C6orf163: variants seen among roughly 807,000 people sequenced by gnomAD.
C6orf163 encodes the protein chromosome 6 open reading frame 163.
A neutral mutation model predicts 28.4 loss-of-function variants in C6orf163; 22 were observed. The observed-to-expected ratio is 0.78, with a 90% CI of 0.55 to 1.11. C6orf163 has a LOEUF of 1.11. C6orf163 is among the 50% of genes least tolerant of loss of function. The pLI, the probability that C6orf163 is intolerant of heterozygous loss-of-function variation, is 0.00. For missense variants in C6orf163, 342 were observed against 389.1 expected, an observed-to-expected ratio of 0.88 and a Z score of 1.02; for synonymous variants, 110 against 123.6, an observed-to-expected ratio of 0.89 and a Z score of 0.73.
chr6:87,364,945 A>ATAT lies in C6orf163; in HGVS notation c.555-12_555-10dup, dbSNP rs1777624309. The ATAT allele has an allele frequency of 1.3e-6, 2 of 1,515,584 alleles. No individual in the cohort carries two copies. 93.9% of individuals were successfully genotyped at this position (1,515,584 alleles called of 1,614,324 possible). On this transcript the variant is annotated splice_polypyrimidine_tract_variant and intron_variant, in intron 4 of 4. Transcript: ENST00000388923. ...GCCAATCCATCTAAATTATAAATCC[A>ATAT]TATTATCTTTTGTAGCAAAGCCGTG... is the stretch of plus-strand genomic sequence containing the variant.
At chr6:87,356,683 A>G (rs1315809474) in intron 4 of C6orf163, 180 bp downstream of exon 4, 3 of 587,034 alleles carry the variant, frequency 5.1e-6, no homozygotes, top group Non-Finnish European at 8.8e-6. Flanking sequence ...TGTGGTTTAA[A>G]GAAAAATAAT....
chr6:87,361,609 C>A (rs950670087), intron 4 of C6orf163, among the ~76,000 whole-genome samples: 2 of 152,284 alleles, frequency 1.3e-5, no homozygotes, highest in African/African-American at 4.8e-5. Flanking sequence ...ATCACCCTGA[C>A]AATCTCATCA....
rs888522954 is a variant in C6orf163 at position 87,345,234 on chromosome 6, C to T, written c.135C>T (p.His45=). The stretch of plus-strand genomic sequence containing the variant: ...CACTTAAGACACGCTTTTACACTCA[C>T]AAAGACATACTAGGTAAGTGACTTT... ...YKPLKTRFYT[H]KDILDIGANI... Residue 45 remains histidine, a synonymous_variant, in exon 1 of 5, where the codon CAC becomes CAT. Coordinates refer to ENST00000388923, the MANE Select transcript of C6orf163 (RefSeq NM_001010868.3). 2 of 1,527,814 alleles carry T rather than the reference C, an allele frequency of 1.3e-6. No individual in the cohort carries two copies. Among genetic ancestry groups the T allele is most frequent in the African/African-American group, 2.8e-5 (2 of 72,314 alleles). 94.6% of individuals were successfully genotyped at this position (1,527,814 alleles called of 1,614,324 possible). A position where few individuals can be genotyped will look rare whatever the true frequency, so the allele number is the denominator to read the frequency against.
chr6:87,361,911 C>G (rs1278669233), intron 4 of C6orf163, among the ~76,000 whole-genome samples: 1 of 152,142 alleles, frequency 6.6e-6, no homozygotes, highest in African/African-American at 2.4e-5. Context: ...CATTGCACCT[C>G]AAGGATATTA....
chr6:87,350,203 C>T (rs996676257), intron 2 of C6orf163, among the ~76,000 whole-genome samples, 191 bp from the exon 3 acceptor site: 1 of 152,192 alleles, frequency 6.6e-6, no homozygotes, highest in African/African-American at 2.4e-5. Context: ...TGCATTAGAG[C>T]ATCTCTGGCT....
chr6:87,353,205 T>C (rs1777444213), intron 3 of C6orf163, among the ~76,000 whole-genome samples: 1 of 152,156 alleles, frequency 6.6e-6, no homozygotes, highest in African/African-American at 2.4e-5. Flanking sequence ...AATTTCTAAT[T>C]ATCTGAATAC....
intron 3 of C6orf163, among the ~76,000 whole-genome samples, chr6:87,355,684 C>A (rs921721502): frequency 3.9e-5 from 6 of 152,120 alleles, no homozygotes; most frequent in African/African-American, 1.2e-4. Flanking sequence ...TGCACAGTTA[C>A]GTTGTTGGCC....
chr6:87,350,516 T>C lies in C6orf163; in HGVS notation c.351+15T>C. 2.2e-6 allele frequency: 3 copies of C among 1,371,558 alleles called. No individual in the cohort carries two copies. The highest frequency in any genetic ancestry group is 3.0e-6 in the Non-Finnish European group (3 of 1,008,800). 85.0% of individuals were successfully genotyped at this position (1,371,558 alleles called of 1,614,324 possible). The stretch of plus-strand genomic sequence containing the variant: ...AAGATTTACAGGTTTTTATAGTGGC[T>C]TATTTGTTGTCTTTTAAAAGTAATT... On this transcript the variant is annotated intron_variant, in intron 3 of 4. Transcript: ENST00000388923.
In C6orf163 at chr6:87,348,807, C is replaced by T; in HGVS notation, c.149-5C>T. On this transcript the variant is annotated splice_region_variant and splice_polypyrimidine_tract_variant and intron_variant, in intron 1 of 4. Coordinates refer to ENST00000388923, the MANE Select transcript of C6orf163 (RefSeq NM_001010868.3). Reference sequence around the variant, plus strand: ...GTTTGTGACCATTGCTCTTCAAATACACAGATATTGGGGCAAATATTCTGA... The same window carrying T: ...GTTTGTGACCATTGCTCTTCAAATATACAGATATTGGGGCAAATATTCTGA... 1 of 1,536,946 alleles carries T rather than the reference C, an allele frequency of 6.5e-7. No homozygotes were observed. Among genetic ancestry groups the T allele is most frequent in the Non-Finnish European group, 8.7e-7 (1 of 1,146,764 alleles).
intron 1 of C6orf163, among the ~76,000 whole-genome samples, chr6:87,347,005 G>A (rs1232626910): frequency 1.3e-5 from 2 of 151,864 alleles, no homozygotes; most frequent in East Asian, 1.9e-4. Context: ...TTTTTCCCCC[G>A]GCATAGAGTT....
chr6:87,348,060 G>A, intron 1 of C6orf163: 1 of 509,530 alleles, frequency 2.0e-6, no homozygotes, highest in Non-Finnish European at 2.5e-6. Context: ...GGAGGCTGAG[G>A]CAGGAGAATC....
intron 4 of C6orf163, 182 bp downstream of exon 4, chr6:87,356,685 A>G: frequency 1.7e-6 from 1 of 582,768 alleles, no homozygotes; most frequent in Non-Finnish European, 3.0e-6. Context: ...TGGTTTAAAG[A>G]AAAATAATAA....
chr6:87,347,407 T>C, intron 1 of C6orf163: 1 of 985,044 alleles, frequency 1.0e-6, no homozygotes, highest in South Asian at 4.7e-5. Flanking sequence ...TAAAAGAGGA[T>C]AGTGATAGCC....
At chr6:87,358,601 G>T (rs1777540007) in intron 4 of C6orf163, 1 of 109,892 alleles carries the variant, frequency 9.1e-6, no homozygotes, top group South Asian at 2.8e-4. Context: ...AGCGAGACTT[G>T]TCTCAAAAAA....
intron 3 of C6orf163, among the ~76,000 whole-genome samples, chr6:87,352,464 A>G (rs1777431313): frequency 6.6e-6 from 1 of 152,176 alleles, no homozygotes; most frequent in Non-Finnish European, 1.5e-5. Context: ...CAAGACCACC[A>G]GGTATTACTC....
In C6orf163 at chr6:87,356,351, A is replaced by C. The variant is rs1777502232; in HGVS notation, c.402A>C (p.Glu134Asp). The C allele has an allele frequency of 6.4e-7, 1 of 1,551,626 alleles. No homozygotes were observed. Among genetic ancestry groups the C allele is most frequent in the Non-Finnish European group, 8.7e-7 (1 of 1,146,998 alleles). Reference sequence around the variant, plus strand: ...AGATGTATCAAAACATGGATGACGAAATGAAGAGAGAGCACTTGGCTGCAG... The same window carrying C: ...AGATGTATCAAAACATGGATGACGACATGAAGAGAGAGCACTTGGCTGCAG... ...KTEMYQNMDD[E>D]MKREHLAAEQ... is the part of the protein sequence containing the mutation. Residue 134 changes from glutamate to aspartate, a missense_variant, in exon 4 of 5, where the codon GAA (glutamate) becomes GAC (aspartate). Physicochemically the swap from Glu to Asp is conservative, Grantham distance 45. Transcript: ENST00000388923.
chr6:87,353,775 A>G (rs1343906344), intron 3 of C6orf163, among the ~76,000 whole-genome samples: 1 of 152,188 alleles, frequency 6.6e-6, no homozygotes, highest in Non-Finnish European at 1.5e-5. Context: ...CACACAGCAG[A>G]ACCTCTTCAC....
At chr6:87,363,123 A>T (rs1490866558) in intron 4 of C6orf163, among the ~76,000 whole-genome samples, 1 of 152,178 alleles carries the variant, frequency 6.6e-6, no homozygotes, top group African/African-American at 2.4e-5. Flanking sequence ...CATTGAATTA[A>T]TGTATGCATA....
chr6:87,348,370 A>G, intron 1 of C6orf163: 2 of 987,498 alleles, frequency 2.0e-6, no homozygotes, highest in Non-Finnish European at 2.4e-6. Context: ...ACAAAGAACC[A>G]CATGCTAAAG....
Sources: allele counts gnomAD v4.1 joint callset (sites outside exome capture counted in the v4.1 genomes callset), GRCh38; gene constraint gnomAD v4.1.1; transcripts MANE v1.5; gene names NCBI Gene and HGNC (gene_info 2026-07-23, HGNC 2026-07-21).